Variants in PGAP3 observed in about 807,000 individuals in gnomAD.
PGAP3 encodes GPI-specific phospholipase A2-like PGAP3.
A neutral mutation model predicts 40.3 loss-of-function variants in PGAP3; 31 were observed. The ratio of observed to expected loss-of-function variants is 0.77; its 90% confidence interval spans 0.58 to 1.04. The LOEUF (loss-of-function observed/expected upper bound fraction) is 1.04. PGAP3 is among the 50% of genes least tolerant of loss of function. The probability of loss-of-function intolerance (pLI) is 0.00; values close to 1 mark genes in which losing one functional copy is unlikely to be tolerated. For missense variants in PGAP3, 413 were observed against 423.0 expected (o/e 0.98, Z 0.21); for synonymous variants, 191 against 184.5 (o/e 1.04, Z -0.29).
At chr17:39,686,076 C>G (rs2057508942) in intron 1 of PGAP3, 57 bp from the exon 2 acceptor site, 2 of 1,499,662 alleles carry the variant, frequency 1.3e-6, no homozygotes, top group Admixed American at 1.8e-5. Flanking sequence ...AAAGAGAGAG[C>G]ATGAATGGGG....
Position 39,673,519 on chromosome 17 carries a change from G to T in PGAP3, c.689C>A (p.Ala230Asp). The T allele has an allele frequency of 6.2e-7, 1 of 1,614,054 alleles. No individual in the cohort carries two copies. The highest frequency in any genetic ancestry group is 2.2e-5 in the East Asian group (1 of 44,872). The stretch of plus-strand genomic sequence containing the variant: ...CAAGCCCCCCAGGGCCTCACCAATA[G>T]CCACGTTGGCCACCAGGTTGTAGCC... ...DYGYNLVANVAIGLVNVVWWL... is the reference protein window; with the variant it reads ...DYGYNLVANVDIGLVNVVWWL... The change falls in exon 6 of 8, where the codon GCT becomes GAT. Residue 230 changes from alanine to aspartate, a missense_variant. Ala to Asp is a moderately radical substitution (Grantham distance 126). Transcript: ENST00000300658.
In PGAP3 at chr17:39,672,828, G is replaced by A. The variant is rs1036625226; in HGVS notation, c.938C>T (p.Ser313Leu). The A allele has an allele frequency of 3.0e-5, 49 of 1,614,056 alleles. No homozygotes were observed. The highest frequency in any genetic ancestry group is 4.0e-5 in the Non-Finnish European group (47 of 1,180,026). ...TCAGTCCAGCTTGAACTTGTCCTCTGATTCCTTCAGCAGGTACAGGCTGTC... is the reference window on the plus strand; with the variant it reads ...TCAGTCCAGCTTGAACTTGTCCTCTAATTCCTTCAGCAGGTACAGGCTGTC... ...EDDSLYLLKE[S>L]EDKFKLD The change falls in exon 8 of 8, where the codon TCA becomes TTA. Residue 313 changes from serine (S) to leucine (L), a missense_variant. Transcript: ENST00000300658.
At position 39,687,827 on chromosome 17, in the gene PGAP3, G is replaced by A. The variant is rs1469995609; in HGVS notation, c.181+7C>T. 2 of 1,433,010 alleles carry A rather than the reference G, an allele frequency of 1.4e-6. No individual in the cohort carries two copies. The highest frequency in any genetic ancestry group is 1.9e-6 in the Non-Finnish European group (2 of 1,074,834). The allele number at this position is 1,433,010 out of a possible 1,614,324, so 88.8% of individuals were successfully genotyped here. A position where few individuals can be genotyped will look rare whatever the true frequency, so the allele number is the denominator to read the frequency against. ...TGGGCGGGGCTTACCGTGGGGGTGG[G>A]GCTTACCTGCTAGACTCATGTAGAT... On this transcript the variant is annotated splice_region_variant and intron_variant, in intron 1 of 7. Coordinates refer to ENST00000300658, the MANE Select transcript of PGAP3 (RefSeq NM_033419.5).
At chr17:39,673,442 A>G (rs2057335539) in intron 6 of PGAP3, 72 bp downstream of exon 6, 2 of 1,601,910 alleles carry the variant, frequency 1.2e-6, no homozygotes, top group Admixed American at 3.4e-5. Flanking sequence ...CTTCTCCAGG[A>G]ATGGCACCAA....
At chr17:39,686,061 A>G in intron 1 of PGAP3, 42 bp from the exon 2 acceptor site, 1 of 1,551,950 alleles carries the variant, frequency 6.4e-7, no homozygotes. Context: ...CCCAGCACAG[A>G]GAGGAAAGAG....
intron 3 of PGAP3, among the ~76,000 whole-genome samples, chr17:39,681,085 G>A (rs973318835): frequency 6.6e-6 from 1 of 152,060 alleles, no homozygotes; most frequent in African/African-American, 2.4e-5. Context: ...AGGGTGGTCT[G>A]GAACTTGTGA....
intron 6 of PGAP3, 54 bp downstream of exon 6, chr17:39,673,460 C>A: frequency 1.2e-6 from 2 of 1,609,636 alleles, no homozygotes; most frequent in Non-Finnish European, 8.5e-7. Context: ...CAACCTCCCA[C>A]TCGCACCCCA....
chr17:39,674,797 CT>C (rs2057354997), intron 3 of PGAP3, 118 bp from the exon 4 acceptor site: 20 of 1,012,442 alleles, frequency 2.0e-5, no homozygotes, highest in Non-Finnish European at 2.9e-5. Context: ...AAGAAATGTG[CT>C]TTTCCTGCCC....
At chr17:39,674,534 A>G in intron 4 of PGAP3, 83 bp downstream of exon 4, 11 of 1,412,204 alleles carry the variant, frequency 7.8e-6, no homozygotes, top group Non-Finnish European at 1.1e-5. Context: ...GGGAGTTGGC[A>G]TGACCCTCTA....
chr17:39,684,863 G>A, intron 2 of PGAP3, 114 bp from the exon 3 acceptor site: 1 of 1,317,676 alleles, frequency 7.6e-7, no homozygotes, highest in Non-Finnish European at 1.0e-6. Flanking sequence ...CTCAGCTCTG[G>A]AGTTTGGCCA....
intron 6 of PGAP3, 100 bp downstream of exon 6, chr17:39,673,414 G>A: frequency 1.3e-6 from 2 of 1,574,394 alleles, no homozygotes; most frequent in Non-Finnish European, 1.7e-6. Context: ...TCTACCCCAA[G>A]AGTCTCTCTA....
Position 39,685,942 on chromosome 17 carries a change from C to T in PGAP3, c.259G>A (p.Val87Met). Residue 87 changes from valine (V) to methionine (M), a missense_variant, in exon 2 of 8, where the codon GTG (valine) becomes ATG (methionine). Coordinates refer to ENST00000300658, the MANE Select transcript of PGAP3 (RefSeq NM_033419.5). ...VGLYLQEGHKVPQFHGKWPFS... is the reference protein window; with the variant it reads ...VGLYLQEGHKMPQFHGKWPFS... ...CTCACCTTGCCATGGAACTGAGGCA[C>T]TTTGTGACCTTCCTGGAGGTAGAGC... The T allele has an allele frequency of 1.9e-6, 3 of 1,613,362 alleles. No individual in the cohort carries two copies. The highest frequency in any genetic ancestry group is 2.5e-6 in the Non-Finnish European group (3 of 1,179,490).
At chr17:39,674,726 C>T (rs2057354308) in intron 3 of PGAP3, 47 bp from the exon 4 acceptor site, 1 of 1,490,976 alleles carries the variant, frequency 6.7e-7, no homozygotes, top group Non-Finnish European at 9.1e-7. Context: ...ACCCTGACCT[C>T]AAGGCAGGGA....
intron 3 of PGAP3, among the ~76,000 whole-genome samples, chr17:39,683,147 G>A (rs1243872119): frequency 6.6e-6 from 1 of 152,090 alleles, no homozygotes; most frequent in Non-Finnish European, 1.5e-5. Context: ...GATCTCCAAT[G>A]TGAGGCTCTC....
At chr17:39,677,423 A>G (rs976729639) in intron 3 of PGAP3, among the ~76,000 whole-genome samples, 2 of 152,174 alleles carry the variant, frequency 1.3e-5, no homozygotes, top group Non-Finnish European at 2.9e-5. Flanking sequence ...AGCTATAGGA[A>G]GAGCCCCTCC....
chr17:39,673,525 T>A lies in PGAP3; in HGVS notation c.683A>T (p.Asn228Ile). The change falls in exon 6 of 8, where the codon AAC becomes ATC. Residue 228 changes from asparagine to isoleucine, a missense_variant. By Grantham distance (149) the Asn-to-Ile change is moderately radical. Transcript: ENST00000300658. ...RFDYGYNLVA[N>I]VAIGLVNVVW... ...CCCCAGGGCCTCACCAATAGCCACG[T>A]TGGCCACCAGGTTGTAGCCATAGTC... The A allele has an allele frequency of 1.2e-6, 2 of 1,614,056 alleles. No individual in the cohort carries two copies. The highest frequency in any genetic ancestry group is 2.2e-5 in the South Asian group (2 of 91,078).
chr17:39,681,108 C>T (rs937633495), intron 3 of PGAP3, among the ~76,000 whole-genome samples: 2 of 152,124 alleles, frequency 1.3e-5, no homozygotes, highest in Non-Finnish European at 2.9e-5. Context: ...TCAAGCAATC[C>T]GCCCACTTCA....
intron 5 of PGAP3, 52 bp downstream of exon 5, chr17:39,673,941 T>G: frequency 6.3e-7 from 1 of 1,580,290 alleles, no homozygotes. Flanking sequence ...GGGTGACCCC[T>G]TTCTGCCCCC....
At position 39,673,190 on chromosome 17, in the gene PGAP3, G is replaced by A. The variant is rs754318839; in HGVS notation, c.760C>T (p.Arg254Cys). 3.6e-5 allele frequency: 57 copies of A among 1,572,684 alleles called. No individual in the cohort carries two copies. The highest frequency in any genetic ancestry group is 1.5e-4 in the South Asian group (13 of 86,054). ...LWNQRRLPHV[R>C]KCVVVVLLLQ... ...AGCAAGACCACCACCACGCACTTGC[G>A]CACGTGAGGCAGCCGCCGCTGGTTC... The change falls in exon 7 of 8, where the codon CGC becomes TGC. Residue 254 changes from arginine (R) to cysteine (C), a missense_variant. Arg to Cys is a radical substitution (Grantham distance 180). Transcript: ENST00000300658.
Sources: allele counts gnomAD v4.1 joint callset (sites outside exome capture counted in the v4.1 genomes callset), GRCh38; gene constraint gnomAD v4.1.1; transcripts MANE v1.5; gene names NCBI Gene and HGNC (gene_info 2026-07-23, HGNC 2026-07-21).